The following INPP4B variants were observed in gnomAD, a reference collection of about 807,000 sequenced individuals.
INPP4B encodes the protein inositol polyphosphate 4-phosphatase type II.
Under a neutral mutation model 122.5 loss-of-function variants are expected in INPP4B, and 55 were observed. That is an observed-to-expected ratio of 0.45 (90% CI 0.36 to 0.56). The LOEUF is 0.56. INPP4B is among the 20% of genes least tolerant of loss of function. The probability of loss-of-function intolerance (pLI) is 0.00; values close to 1 mark genes in which losing one functional copy is unlikely to be tolerated. For missense variants in INPP4B, 1,000 were observed against 1,097.7 expected (o/e 0.91, Z 1.26); for synonymous variants, 403 against 388.7 (o/e 1.04, Z -0.43).
chr4:142,121,997 A>C, intron 21 of INPP4B, 131 bp downstream of exon 21: 1 of 634,642 alleles, frequency 1.6e-6, no homozygotes, highest in Admixed American at 3.0e-5. Context: ...TGTATTTCTT[A>C]CCAAAAAGGA....
chr4:142,563,081 C>A (rs975949878), intron 2 of INPP4B, among the ~76,000 whole-genome samples: 4 of 152,204 alleles, frequency 2.6e-5, no homozygotes, highest in African/African-American at 7.2e-5. Context: ...AAGAGTACCT[C>A]TGCTAGGCAG....
chr4:142,640,727 A>G (rs1184477782), intron 2 of INPP4B, among the ~76,000 whole-genome samples: 1 of 152,096 alleles, frequency 6.6e-6, no homozygotes, highest in Non-Finnish European at 1.5e-5. Context: ...CCTAACAATT[A>G]AAATAGACAA....
In INPP4B at chr4:142,025,745, TATAAA is replaced by T. The variant is rs1736817260; in HGVS notation, c.*3032_*3036del. 1 of 152,192 alleles carries T rather than the reference TATAAA, an allele frequency of 6.6e-6. No homozygotes were observed. Among genetic ancestry groups the T allele is most frequent in the African/African-American group, 2.4e-5 (1 of 41,446 alleles). 9.4% of individuals were successfully genotyped at this position (152,192 alleles called of 1,614,324 possible). A position where few individuals can be genotyped will look rare whatever the true frequency, so the allele number is the denominator to read the frequency against. ...AGTTTTTCAGAAGAGGGGTTAGTCT[TATAAA>T]ATAAGGGCTGGAGGCTGGGTCCATG... On this transcript the variant is annotated 3_prime_UTR_variant, in exon 26 of 26. Transcript: ENST00000262992.
At chr4:142,837,558 T>A (rs1782948022) in intron 1 of INPP4B, among the ~76,000 whole-genome samples, 2 of 152,128 alleles carry the variant, frequency 1.3e-5, no homozygotes, top group Admixed American at 6.5e-5. Context: ...GTAAATGAGA[T>A]AATATAAAGG....
At chr4:142,184,413 C>A (rs1324039109) in intron 15 of INPP4B, among the ~76,000 whole-genome samples, 1 of 152,116 alleles carries the variant, frequency 6.6e-6, no homozygotes, top group East Asian at 1.9e-4. Flanking sequence ...AGACATTTTC[C>A]ACAAGTGTCT....
At chr4:142,629,741 A>T (rs977676083) in intron 2 of INPP4B, among the ~76,000 whole-genome samples, 1 of 152,134 alleles carries the variant, frequency 6.6e-6, no homozygotes, top group Non-Finnish European at 1.5e-5. Flanking sequence ...TGTTGGAAGC[A>T]GGATGGAACT....
At chr4:142,473,010 G>A (rs1054828508) in intron 2 of INPP4B, among the ~76,000 whole-genome samples, 3 of 152,046 alleles carry the variant, frequency 2.0e-5, no homozygotes, top group Non-Finnish European at 4.4e-5. Context: ...CAAAATCAAG[G>A]TCTCTCAGAT....
intron 2 of INPP4B, among the ~76,000 whole-genome samples, chr4:142,640,263 C>A (rs1473399997): frequency 6.6e-6 from 1 of 151,332 alleles, no homozygotes; most frequent in Non-Finnish European, 1.5e-5. Flanking sequence ...AAAAAAGGGA[C>A]AAGGTAAGAT....
chr4:142,254,003 G>C lies in INPP4B; in HGVS notation c.688+6489C>G, dbSNP rs1226948938. ...GTGGTTCTCCCAGCTCGCAGCTAGA[G>C]ATCTGAGAACGGGCAGACTGCCTCC... On this transcript the variant is annotated intron_variant, in intron 11 of 25. Transcript: ENST00000262992. Among the ~76,000 whole-genome samples the C allele has an allele frequency of 2.6e-5, 4 of 151,056 alleles. No individual in the cohort carries two copies. In the Admixed American group the frequency reaches 2.7e-4, roughly 10 times the overall value.
intron 5 of INPP4B, among the ~76,000 whole-genome samples, chr4:142,428,761 T>C (rs576971786): frequency 3.2e-4 from 48 of 152,102 alleles, no homozygotes; most frequent in Non-Finnish European, 5.4e-4. Flanking sequence ...TGTTCTTGAA[T>C]ACGAGAGAAA....
At chr4:142,338,361 G>A (rs1274370590) in intron 7 of INPP4B, among the ~76,000 whole-genome samples, 3 of 151,964 alleles carry the variant, frequency 2.0e-5, no homozygotes, top group African/African-American at 2.4e-5. Flanking sequence ...TCAGCCTCCC[G>A]AGTGGCTGGG....
chr4:142,617,956 T>C (rs1744068208), intron 2 of INPP4B, among the ~76,000 whole-genome samples: 2 of 152,132 alleles, frequency 1.3e-5, no homozygotes, highest in South Asian at 4.1e-4. Flanking sequence ...TATTATAATT[T>C]ATCAATAAAA....
chr4:142,746,376 CACAA>C (rs1243430911), intron 1 of INPP4B, among the ~76,000 whole-genome samples: 5 of 152,030 alleles, frequency 3.3e-5, no homozygotes, highest in Non-Finnish European at 7.4e-5. Flanking sequence ...AAAGAGAGGA[CACAA>C]ACAAATGGAA....
intron 7 of INPP4B, among the ~76,000 whole-genome samples, chr4:142,342,480 C>T (rs1168849737): frequency 1.3e-5 from 2 of 152,084 alleles, no homozygotes; most frequent in African/African-American, 4.8e-5. Context: ...CACCTACTTT[C>T]CCCAATCTCT....
chr4:142,731,808 T>C lies in INPP4B; in HGVS notation c.-253-5907A>G, dbSNP rs140605849. 6.9e-4 allele frequency among the ~76,000 whole-genome samples: 105 copies of C among 152,132 alleles called. No individual in the cohort carries two copies. The Middle Eastern group carries it at 0.017, about 25-fold the overall frequency. ...AAACATCATCCAACATCTAACATGA[T>C]ATAGGAACACTTAGGGTGCATTAGT... On this transcript the variant is annotated intron_variant, in intron 1 of 25. Coordinates refer to ENST00000262992, the MANE Select transcript of INPP4B (RefSeq NM_001101669.3).
chr4:142,678,897 T>A (rs906876429), intron 2 of INPP4B, among the ~76,000 whole-genome samples: 3 of 151,968 alleles, frequency 2.0e-5, no homozygotes, highest in African/African-American at 7.2e-5. Flanking sequence ...CTGAATCATC[T>A]TTCCAAGATA....
intron 9 of INPP4B, among the ~76,000 whole-genome samples, chr4:142,284,519 C>T (rs939155136): frequency 1.3e-5 from 2 of 152,072 alleles, no homozygotes; most frequent in Non-Finnish European, 2.9e-5. Flanking sequence ...AAATGAAAAT[C>T]AGATAAATCA....
chr4:142,498,730 G>A (rs1452886928), intron 2 of INPP4B, among the ~76,000 whole-genome samples: 1 of 152,146 alleles, frequency 6.6e-6, no homozygotes, highest in Admixed American at 6.6e-5. Context: ...TGGGGAGGTT[G>A]CAGTGAGCTG....
chr4:142,806,788 A>AAAG (rs1262629938), intron 1 of INPP4B, among the ~76,000 whole-genome samples: 2 of 105,828 alleles, frequency 1.9e-5, no homozygotes, highest in African/African-American at 7.5e-5. Context: ...AGAAAGAAGG[A>AAAG]AAGAAAGAAA....
Sources: allele counts gnomAD v4.1 joint callset (sites outside exome capture counted in the v4.1 genomes callset), GRCh38; gene constraint gnomAD v4.1.1; transcripts MANE v1.5; gene names NCBI Gene and HGNC (gene_info 2026-07-23, HGNC 2026-07-21).